HRG: variants seen among roughly 807,000 people sequenced by gnomAD.
The protein encoded by HRG is histidine-rich glycoprotein.
HRG carries 26 observed loss-of-function variants against 29.5 expected under a neutral mutation model. The ratio of observed to expected loss-of-function variants is 0.88; its 90% CI spans 0.65 to 1.22. HRG has a LOEUF of 1.22. Ranked by LOEUF, HRG falls within the 50% of genes most tolerant of loss-of-function variation. The pLI is 0.00. For synonymous variants in HRG, 243 were observed against 240.4 expected (o/e 1.01, Z -0.10); for missense variants, 671 against 654.5 (o/e 1.03, Z -0.28).
At chr3:186,676,099 C>T (rs1344820725) in intron 6 of HRG, among the ~76,000 whole-genome samples, 5 of 151,922 alleles carry the variant, frequency 3.3e-5, no homozygotes, top group Non-Finnish European at 5.9e-5. Flanking sequence ...AAACTCCTGA[C>T]CTTAGGTGAT....
intron 1 of HRG, 176 bp from the exon 2 acceptor site, chr3:186,668,759 T>G: frequency 1.7e-6 from 1 of 593,054 alleles, no homozygotes; most frequent in Non-Finnish European, 3.0e-6. Context: ...TGGAAATAAC[T>G]CATTGAAGCT....
chr3:186,674,904 C>A (rs1718918613), intron 5 of HRG, 185 bp from the exon 6 acceptor site: 22 of 651,950 alleles, frequency 3.4e-5, no homozygotes, highest in Non-Finnish European at 2.9e-6. Flanking sequence ...TACCCTTCAC[C>A]ACCTGCACTT....
chr3:186,677,661 C>A lies in HRG; in HGVS notation c.1356C>A (p.Cys452Ter). Residue 452 changes from cysteine (C) to a stop codon, truncating the protein, a stop_gained, in exon 7 of 7, where the codon TGC becomes TGA. Coordinates refer to ENST00000232003, the MANE Select transcript of HRG (RefSeq NM_000412.5). LOFTEE classifies it low-confidence loss of function (END_TRUNC). ...GPGKGPRPFHCRQIGSVYRLP... is the reference protein window; with the variant it reads ...GPGKGPRPFH ...GTAAAGGACCCCGTCCCTTCCATTG[C>A]AGACAAATTGGATCTGTGTACCGAC... 1 of 1,614,056 alleles carries A rather than the reference C, an allele frequency of 6.2e-7. No individual in the cohort carries two copies. Among genetic ancestry groups the A allele is most frequent in the Non-Finnish European group, 8.5e-7 (1 of 1,179,946 alleles).
intron 3 of HRG, among the ~76,000 whole-genome samples, chr3:186,671,227 T>C (rs978010254): frequency 5.8e-5 from 1 of 17,304 alleles, no homozygotes; most frequent in Non-Finnish European, 1.3e-4. Flanking sequence ...ATCATATTAA[T>C]ACCTAAATAT....
At chr3:186,675,260 T>G in intron 6 of HRG, 70 bp downstream of exon 6, 4 of 947,862 alleles carry the variant, frequency 4.2e-6, no homozygotes, top group Non-Finnish European at 5.2e-6. Context: ...AATAGTGTTG[T>G]TGCTTCCTAA....
At position 186,672,671 on chromosome 3, in the gene HRG, C is replaced by G. The variant is rs1001510262; in HGVS notation, c.559-116C>G. On this transcript the variant is annotated intron_variant, in intron 4 of 6. Transcript: ENST00000232003. Reference sequence around the variant, plus strand: ...AAACCATTTTAAAAAATGACACATACTGGTGATTTTGAATTCTCATACTGC... The same window carrying G: ...AAACCATTTTAAAAAATGACACATAGTGGTGATTTTGAATTCTCATACTGC... 16 of 738,248 alleles carry G rather than the reference C, an allele frequency of 2.2e-5. No individual in the cohort carries two copies. The African/African-American group carries it at 2.6e-4, about 12-fold the overall frequency. The allele number at this position is 738,248 out of a possible 1,614,324, so 45.7% of individuals were successfully genotyped here.
Position 186,677,829 on chromosome 3 carries a change from C to T in HRG, c.1524C>T (p.Phe508=). Residue 508 remains phenylalanine, a synonymous_variant, in exon 7 of 7, where the codon TTC becomes TTT. Coordinates refer to ENST00000232003, the MANE Select transcript of HRG (RefSeq NM_000412.5). ...TCTCTGAATCATGTCCAGGGAAGTT[C>T]AAGAGTGGGTTTCCACAAGTTTCCA... The part of the protein sequence containing the change: ...QSVSESCPGK[F]KSGFPQVSMF... The T allele has an allele frequency of 6.2e-7, 1 of 1,614,096 alleles. No individual in the cohort carries two copies. The highest frequency in any genetic ancestry group is 2.2e-5 in the East Asian group (1 of 44,888).
intron 1 of HRG, among the ~76,000 whole-genome samples, chr3:186,666,603 A>G (rs1718617803): frequency 6.6e-6 from 1 of 152,178 alleles, no homozygotes; most frequent in Non-Finnish European, 1.5e-5. Context: ...TAAGGCTCCT[A>G]ACTGAGCCTG....
intron 5 of HRG, chr3:186,674,752 C>T (rs753121704): frequency 8.2e-6 from 3 of 364,192 alleles, no homozygotes; most frequent in South Asian, 2.2e-5. Context: ...GTCCTAGGCA[C>T]AGGCAACTGA....
Position 186,666,053 on chromosome 3 carries a change from C to T in HRG, c.22C>T (p.Leu8=), listed in dbSNP as rs1718594128. The change falls in exon 1 of 7, where the codon CTG becomes TTG. Residue 8 remains leucine, a synonymous_variant. Transcript: ENST00000232003. ...CAAAATGAAGGCACTCATTGCAGCACTGCTTTTGATCACATTGCAGTATTC... is the reference window on the plus strand; with the variant it reads ...CAAAATGAAGGCACTCATTGCAGCATTGCTTTTGATCACATTGCAGTATTC... MKALIAA[L]LLITLQYSCA... 2.5e-6 allele frequency: 4 copies of T among 1,614,250 alleles called. No individual in the cohort carries two copies. The highest frequency in any genetic ancestry group is 3.4e-6 in the Non-Finnish European group (4 of 1,180,038).
Position 186,677,486 on chromosome 3 carries a change from A to G in HRG, c.1181A>G (p.His394Arg). Residue 394 changes from histidine (H) to arginine (R), a missense_variant, in exon 7 of 7, where the codon CAC becomes CGC. Coordinates refer to ENST00000232003, the MANE Select transcript of HRG (RefSeq NM_000412.5). The part of the protein sequence containing the change: ...HHPHGHHPHG[H>R]HPHGHHPHGH... ...CCCCATGGACACCATCCTCATGGAC[A>G]CCACCCCCATGGACACCATCCCCAT... is the stretch of plus-strand genomic sequence containing the variant. The G allele has an allele frequency of 6.3e-7, 1 of 1,595,754 alleles. No homozygotes were observed. The highest frequency in any genetic ancestry group is 1.1e-5 in the South Asian group (1 of 88,880).
At chr3:186,668,482 G>A (rs538187884) in intron 1 of HRG, among the ~76,000 whole-genome samples, 4 of 152,346 alleles carry the variant, frequency 2.6e-5, no homozygotes, top group African/African-American at 9.6e-5. Flanking sequence ...GACGAGGGAA[G>A]TGGAGAGGGC....
At chr3:186,676,379 A>T (rs1718990168) in intron 6 of HRG, among the ~76,000 whole-genome samples, 2 of 152,252 alleles carry the variant, frequency 1.3e-5, no homozygotes, top group South Asian at 4.1e-4. Flanking sequence ...TGAAAAAAAA[A>T]TAAGGATAAT....
intron 6 of HRG, among the ~76,000 whole-genome samples, chr3:186,676,724 A>T (rs970792617): frequency 2.0e-5 from 3 of 152,000 alleles, no homozygotes; most frequent in Non-Finnish European, 4.4e-5. Context: ...GAGGCAGGAG[A>T]ATTGCTTGAA....
intron 2 of HRG, among the ~76,000 whole-genome samples, 197 bp downstream of exon 2, chr3:186,669,248 G>C (rs897227448): frequency 2.6e-5 from 4 of 152,156 alleles, no homozygotes; most frequent in African/African-American, 9.7e-5. Context: ...AACTCAGCAG[G>C]GTGTGTGGTC....
Position 186,677,771 on chromosome 3 carries a change from T to C in HRG, c.1466T>C (p.Leu489Pro). Residue 489 changes from leucine to proline, a missense_variant, in exon 7 of 7, where the codon CTA becomes CCA. Physicochemically the swap from Leu to Pro is moderately conservative, Grantham distance 98. Transcript: ENST00000232003. Reference sequence around the variant, plus strand: ...CCATTGCCGCACCACAAACATCCTCTAAAGCCAGACAATCAGCCCTTTCCT... The same window carrying C: ...CCATTGCCGCACCACAAACATCCTCCAAAGCCAGACAATCAGCCCTTTCCT... ...SFPLPHHKHP[L>P]KPDNQPFPQS... The C allele has an allele frequency of 6.2e-7, 1 of 1,613,902 alleles. No homozygotes were observed. Among genetic ancestry groups the C allele is most frequent in the South Asian group, 1.1e-5 (1 of 91,064 alleles).
In HRG at chr3:186,677,487, C is replaced by CCACCCCCATGGGGAT. The variant is rs1305962705; in HGVS notation, c.1193_1194insGGATCACCCCCATGG (p.Gly398_His399insAspHisProHisGly). 6.3e-7 allele frequency: 1 copy of CCACCCCCATGGGGAT among 1,595,798 alleles called. No homozygotes were observed. Among genetic ancestry groups the CCACCCCCATGGGGAT allele is most frequent in the South Asian group, 1.1e-5 (1 of 88,856 alleles). Reference sequence around the variant, plus strand: ...CCCATGGACACCATCCTCATGGACACCACCCCCATGGACACCATCCCCATG... The same window carrying CCACCCCCATGGGGAT: ...CCCATGGACACCATCCTCATGGACACCACCCCCATGGGGATCACCCCCATGGACACCATCCCCATG... On this transcript the variant is annotated inframe_insertion, in exon 7 of 7. Transcript: ENST00000232003.
chr3:186,677,248 G>A lies in HRG; in HGVS notation c.943G>A (p.Gly315Ser). 1 of 1,613,968 alleles carries A rather than the reference G, an allele frequency of 6.2e-7. No individual in the cohort carries two copies. Among genetic ancestry groups the A allele is most frequent in the Non-Finnish European group, 8.5e-7 (1 of 1,179,980 alleles). ...DHSHGPPLPQ[G>S]PPPLLPMSCS... is the part of the protein sequence containing the mutation. ...CTCACATGGACCCCCACTTCCACAA[G>A]GCCCTCCTCCACTATTGCCCATGTC... The change falls in exon 7 of 7, where the codon GGC becomes AGC. Residue 315 changes from glycine (G) to serine (S), a missense_variant. By Grantham distance (56) the Gly-to-Ser change is moderately conservative. Transcript: ENST00000232003.
In HRG at chr3:186,669,299, C is replaced by T. The variant is rs1718711064; in HGVS notation, c.300+248C>T. Among the ~76,000 whole-genome samples, 6 of 152,178 alleles carry T rather than the reference C, an allele frequency of 3.9e-5. 1 individual carries two copies. The South Asian group carries it at 1.2e-3, about 31-fold the overall frequency. The stretch of plus-strand genomic sequence containing the variant: ...ACCAGCTGTGGGTCCTTGGGTAAAT[C>T]ATCTAATAACATCCCTCCACTTTGG... On this transcript the variant is annotated intron_variant, in intron 2 of 6. Coordinates refer to ENST00000232003, the MANE Select transcript of HRG (RefSeq NM_000412.5).
Sources: gnomAD v4.1 joint callset for allele counts (sites outside exome capture counted in the v4.1 genomes callset) on GRCh38, gnomAD v4.1.1 for gene constraint, MANE v1.5 for transcripts, NCBI Gene and HGNC (gene_info 2026-07-23, HGNC 2026-07-21) for gene names.